The following COL24A1 variants were observed in gnomAD, a reference collection of about 807,000 sequenced individuals.
COL24A1 encodes collagen type XXIV alpha 1 chain.
A neutral mutation model predicts 253.9 loss-of-function variants in COL24A1; 224 were observed. That is an observed-to-expected ratio of 0.88 (90% CI 0.79 to 0.99). The LOEUF (loss-of-function observed/expected upper bound fraction) is 0.99, where lower values mean the gene tolerates loss of function less well. Among genes scored for constraint, COL24A1 ranks in the 50% least tolerant of loss-of-function variants. COL24A1 has a pLI of 0.00. For synonymous variants in COL24A1, 685 were observed against 673.7 expected (o/e 1.02, Z -0.26); for missense variants, 2,131 against 2,068.5 (o/e 1.03, Z -0.59).
chr1:86,087,964 T>C (rs961513286), intron 7 of COL24A1, among the ~76,000 whole-genome samples: 1 of 152,146 alleles, frequency 6.6e-6, no homozygotes, highest in African/African-American at 2.4e-5. Flanking sequence ...ATGAGTACCT[T>C]TTCATTATTT....
chr1:86,013,737 G>C (rs939877931), intron 19 of COL24A1, among the ~76,000 whole-genome samples: 2 of 152,206 alleles, frequency 1.3e-5, no homozygotes, highest in African/African-American at 4.8e-5. Context: ...TTGGGAGGCT[G>C]AGGCAGGAGA....
intron 7 of COL24A1, among the ~76,000 whole-genome samples, chr1:86,080,147 T>C (rs770098923): frequency 1.2e-4 from 18 of 152,076 alleles, no homozygotes; most frequent in Non-Finnish European, 1.3e-4. Context: ...TGGAGGCCAT[T>C]AGGTTAAGTG....
chr1:86,074,228 C>T (rs932276968), intron 7 of COL24A1, among the ~76,000 whole-genome samples: 4 of 151,982 alleles, frequency 2.6e-5, no homozygotes, highest in Non-Finnish European at 2.9e-5. Flanking sequence ...ATCTCATGTG[C>T]AAAGACACAC....
intron 2 of COL24A1, among the ~76,000 whole-genome samples, chr1:86,142,058 T>G (rs904043969): frequency 6.6e-6 from 1 of 151,404 alleles, no homozygotes; most frequent in East Asian, 2.0e-4. Flanking sequence ...TTCTCCAACA[T>G]AAAAGACAGA....
intron 20 of COL24A1, among the ~76,000 whole-genome samples, chr1:85,985,790 A>ATGCTTCT (rs1486931951): frequency 1.3e-5 from 2 of 151,864 alleles, no homozygotes; most frequent in African/African-American, 2.4e-5. Flanking sequence ...CAGAACTTGA[A>ATGCTTCT]GAGGTGAATG....
intron 52 of COL24A1, 34 bp downstream of exon 52, chr1:85,781,186 A>G (rs774502196): frequency 1.8e-5 from 27 of 1,462,534 alleles, no homozygotes; most frequent in Non-Finnish European, 2.4e-5. Flanking sequence ...AAGAAAAAAA[A>G]GAGTACAAAA....
intron 19 of COL24A1, among the ~76,000 whole-genome samples, chr1:86,001,622 C>T (rs1695416063): frequency 6.6e-6 from 1 of 152,100 alleles, no homozygotes; most frequent in African/African-American, 2.4e-5. Context: ...TCATTTACTG[C>T]TGGGACTGAA....
chr1:85,916,774 C>T (rs1323882131), intron 24 of COL24A1, among the ~76,000 whole-genome samples: 2 of 152,158 alleles, frequency 1.3e-5, no homozygotes, highest in Admixed American at 1.3e-4. Flanking sequence ...GAAAGAAGAA[C>T]TCATACATAC....
At chr1:86,110,374 T>TA (rs1161483299) in intron 5 of COL24A1, among the ~76,000 whole-genome samples, 1 of 152,068 alleles carries the variant, frequency 6.6e-6, no homozygotes, top group Admixed American at 6.5e-5. Context: ...ATCACACTGT[T>TA]ATCTATCATA....
At chr1:85,910,054 C>A in intron 25 of COL24A1, 51 bp from the exon 26 acceptor site, 1 of 1,415,720 alleles carries the variant, frequency 7.1e-7, no homozygotes, top group Non-Finnish European at 9.9e-7. Flanking sequence ...ATTAATTAGT[C>A]ATGACTGAGC....
In COL24A1 at chr1:86,125,919, A is replaced by G. The variant is rs763709470; in HGVS notation, c.417T>C (p.Pro139=). 196 of 1,613,050 alleles carry G rather than the reference A, an allele frequency of 1.2e-4. 3 individuals carry two copies. In the Middle Eastern group the frequency reaches 4.6e-3, roughly 38 times the overall value. ...NRLQLGVQLL[P]KKLVVHIRGK... Reference sequence around the variant, plus strand: ...CTCTAATGTGTACTACTAATTTTTTAGGTAGTAATTGTACTCCTAATTGCA... The same window carrying G: ...CTCTAATGTGTACTACTAATTTTTTGGGTAGTAATTGTACTCCTAATTGCA... The change falls in exon 3 of 60, where the codon CCT becomes CCC. Residue 139 remains proline, a synonymous_variant. Coordinates refer to ENST00000370571, the MANE Select transcript of COL24A1 (RefSeq NM_152890.7).
At chr1:85,826,401 G>C (rs1288049361) in intron 43 of COL24A1, among the ~76,000 whole-genome samples, 1 of 127,196 alleles carries the variant, frequency 7.9e-6, no homozygotes, top group African/African-American at 3.0e-5. Context: ...TTGACTTGGC[G>C]ATGCGGGCTC....
chr1:86,109,494 C>T (rs932122753), intron 5 of COL24A1, among the ~76,000 whole-genome samples: 1 of 152,150 alleles, frequency 6.6e-6, no homozygotes, highest in African/African-American at 2.4e-5. Flanking sequence ...CCCCATTTTA[C>T]AGAAAAGGAA....
At chr1:85,889,729 T>G in intron 31 of COL24A1, 116 bp from the exon 32 acceptor site, 1 of 811,732 alleles carries the variant, frequency 1.2e-6, no homozygotes. Flanking sequence ...TCTATTGCTA[T>G]TCTTTTTTTT....
At chr1:86,120,116 C>A (rs891248568) in intron 3 of COL24A1, among the ~76,000 whole-genome samples, 16 of 152,154 alleles carry the variant, frequency 1.1e-4, no homozygotes, top group African/African-American at 3.9e-4. Flanking sequence ...TGGATCCCTG[C>A]CTTACACCTT....
chr1:85,730,794 A>C (rs1250326594), intron 59 of COL24A1, 102 bp from the exon 60 acceptor site: 2 of 1,243,090 alleles, frequency 1.6e-6, no homozygotes, highest in Non-Finnish European at 2.3e-6. Flanking sequence ...TAAGGATTAG[A>C]GATAACGAAT....
chr1:85,960,920 A>C (rs1211587556), intron 24 of COL24A1: 2 of 177,086 alleles, frequency 1.1e-5, no homozygotes, highest in Admixed American at 6.4e-5. Context: ...TAAATAAATA[A>C]ATAAATAAAA....
intron 47 of COL24A1, among the ~76,000 whole-genome samples, chr1:85,807,046 A>ATGG (rs1323746675): frequency 1.3e-5 from 2 of 152,210 alleles, no homozygotes; most frequent in Admixed American, 1.3e-4. Flanking sequence ...TTGAACAGAC[A>ATGG]TGGGCAAGAC....
intron 47 of COL24A1, among the ~76,000 whole-genome samples, chr1:85,802,689 A>AC (rs1671561167): frequency 6.6e-6 from 1 of 151,958 alleles, no homozygotes; most frequent in South Asian, 2.1e-4. Context: ...CATATCCACT[A>AC]CCCCTAGAAG....
Sources: allele counts gnomAD v4.1 joint callset (sites outside exome capture counted in the v4.1 genomes callset), GRCh38; gene constraint gnomAD v4.1.1; transcripts MANE v1.5; gene names NCBI Gene and HGNC (gene_info 2026-07-23, HGNC 2026-07-21).